The following BAG2 variants were observed in gnomAD, a reference collection of about 807,000 sequenced individuals.
BAG2 encodes BAG cochaperone 2.
A neutral mutation model predicts 16.4 loss-of-function variants in BAG2; 8 were observed. The observed-to-expected ratio is 0.49, with a 90% CI of 0.29 to 0.88. The LOEUF is 0.88. Ranked by LOEUF, BAG2 falls within the 40% of genes least tolerant of loss-of-function variation. BAG2 has a pLI of 0.09. For synonymous variants in BAG2, 82 were observed against 89.2 expected (o/e 0.92, Z 0.46); for missense variants, 218 against 248.9 (o/e 0.88, Z 0.84).
chr6:57,184,375 TTATC>T lies in BAG2; in HGVS notation c.*192_*195del, dbSNP rs1224991011. ...AATAACAAAACTAGCAATATTTTAA[TTATC>T]TATCTAGAGATTTTTTAGATTGAAT... On this transcript the variant is annotated 3_prime_UTR_variant, in exon 3 of 3. Transcript: ENST00000370693. 6.2e-6 allele frequency: 3 copies of T among 487,314 alleles called. No individual in the cohort carries two copies. Among genetic ancestry groups the T allele is most frequent in the South Asian group, 6.1e-5 (1 of 16,366 alleles). The allele number at this position is 487,314 out of a possible 1,614,324, so 30.2% of individuals were successfully genotyped here. A position where few individuals can be genotyped will look rare whatever the true frequency, so the allele number is the denominator to read the frequency against.
chr6:57,173,735 A>G (rs1208648364), intron 1 of BAG2: 1 of 168,118 alleles, frequency 5.9e-6, no homozygotes, highest in East Asian at 1.9e-4. Context: ...CTTGTTAGGC[A>G]CCTGCAATTC....
intron 1 of BAG2, among the ~76,000 whole-genome samples, chr6:57,178,459 G>A (rs1323797955): frequency 6.6e-6 from 1 of 152,148 alleles, no homozygotes; most frequent in Non-Finnish European, 1.5e-5. Flanking sequence ...GCCAAAAGGA[G>A]CATGAATTGC....
intron 1 of BAG2, among the ~76,000 whole-genome samples, chr6:57,176,000 C>G (rs551963369): frequency 6.6e-6 from 1 of 152,108 alleles, no homozygotes; most frequent in African/African-American, 2.4e-5. Flanking sequence ...GATCTGATAC[C>G]GTCTCCAGGT....
At position 57,183,889 on chromosome 6, in the gene BAG2, A is replaced by G. The variant is rs980287241; in HGVS notation, c.335A>G (p.His112Arg). Residue 112 changes from histidine (H) to arginine (R), a missense_variant, in exon 3 of 3, where the codon CAT (histidine) becomes CGT (arginine). By Grantham distance (29) the His-to-Arg change is conservative. Transcript: ENST00000370693. ...RNPQQQESLK[H>R]ATRIIDEVVN... ...CCCCAGCAGCAAGAATCCCTAAAGCATGCCACAAGGATTATTGATGAGGTG... is the reference window on the plus strand; with the variant it reads ...CCCCAGCAGCAAGAATCCCTAAAGCGTGCCACAAGGATTATTGATGAGGTG... 8.7e-6 allele frequency: 14 copies of G among 1,614,058 alleles called. No homozygotes were observed. The highest frequency in any genetic ancestry group is 7.7e-5 in the South Asian group (7 of 91,070).
In BAG2 at chr6:57,188,579, A is replaced by AGAG. The variant is rs1388258728; in HGVS notation, c.*4390_*4392dup. On this transcript the variant is annotated 3_prime_UTR_variant, in exon 3 of 3. Transcript: ENST00000370693. ...TTATTTTGTGCAAAAATTAAAGAGGAGAGTAGAGAGTAGAAAATTGAAGAG... is the reference window on the plus strand; with the variant it reads ...TTATTTTGTGCAAAAATTAAAGAGGAGAGGAGTAGAGAGTAGAAAATTGAAGAG... The AGAG allele has an allele frequency of 1.3e-5, 2 of 152,152 alleles. No individual in the cohort carries two copies. The highest frequency in any genetic ancestry group is 3.8e-4 in the East Asian group (2 of 5,198). 9.4% of individuals were successfully genotyped at this position (152,152 alleles called of 1,614,324 possible). A position where few individuals can be genotyped will look rare whatever the true frequency, so the allele number is the denominator to read the frequency against.
At position 57,172,597 on chromosome 6, in the gene BAG2, C is replaced by A; in HGVS notation, c.-101C>A. 1 of 1,007,310 alleles carries A rather than the reference C, an allele frequency of 9.9e-7. No individual in the cohort carries two copies. Among genetic ancestry groups the A allele is most frequent in the Non-Finnish European group, 1.3e-6 (1 of 741,782 alleles). The allele number at this position is 1,007,310 out of a possible 1,614,324, so 62.4% of individuals were successfully genotyped here. ...CCGCGGGCGTCAGAGGGAGGGCGGG[C>A]GCCCGCGTGGTGACGGCGACGCCTG... On this transcript the variant is annotated 5_prime_UTR_variant, in exon 1 of 3. Coordinates refer to ENST00000370693, the MANE Select transcript of BAG2 (RefSeq NM_004282.4).
intron 1 of BAG2, among the ~76,000 whole-genome samples, chr6:57,175,023 A>C (rs139745208): frequency 6.4e-4 from 98 of 152,338 alleles, no homozygotes; most frequent in African/African-American, 2.1e-3. Flanking sequence ...AGTTTTACAA[A>C]CTGTTAAAGG....
At chr6:57,178,736 A>C (rs1764356407) in intron 1 of BAG2, among the ~76,000 whole-genome samples, 1 of 151,726 alleles carries the variant, frequency 6.6e-6, no homozygotes, top group African/African-American at 2.4e-5. Context: ...TTTCACAGGG[A>C]TAATGCCCTG....
intron 1 of BAG2, chr6:57,174,157 G>T (rs1367395603): frequency 9.6e-7 from 1 of 1,043,058 alleles, no homozygotes; most frequent in Non-Finnish European, 1.2e-6. Flanking sequence ...GAAATTGGTG[G>T]CCTCAGTTAC....
At chr6:57,173,107 A>G (rs1179142631) in intron 1 of BAG2, 1 of 1,041,250 alleles carries the variant, frequency 9.6e-7, no homozygotes, top group Non-Finnish European at 1.2e-6. Flanking sequence ...GAAAAAAATC[A>G]GAGGAGATAA....
rs745899556 is a variant in BAG2, at chr6:57,184,036, G to A, written c.482G>A (p.Gly161Asp). 8.1e-6 allele frequency: 13 copies of A among 1,612,898 alleles called. No individual in the cohort carries two copies. The South Asian group carries it at 1.3e-4, about 16-fold the overall frequency. The change falls in exon 3 of 3, where the codon GGC becomes GAC. Residue 161 changes from glycine (G) to aspartate (D), a missense_variant. Physicochemically the swap from Gly to Asp is moderately conservative, Grantham distance 94. Coordinates refer to ENST00000370693, the MANE Select transcript of BAG2 (RefSeq NM_004282.4). ...VDQKFQSIVI[G>D]CALEDQKKIK... ...CAGAAGTTTCAATCCATAGTAATTG[G>A]CTGTGCTCTTGAAGATCAGAAGAAA...
Position 57,187,966 on chromosome 6 carries a change from AT to A in BAG2, c.*3779del, listed in dbSNP as rs1257691150. On this transcript the variant is annotated 3_prime_UTR_variant, in exon 3 of 3. Transcript: ENST00000370693. ...CCTTATATGGGTCATTCTATATACT[AT>A]TTAATTCATAGACAGAGACTGGAAA... The A allele has an allele frequency of 4.0e-5, 6 of 150,102 alleles. No homozygotes were observed. The highest frequency in any genetic ancestry group is 1.5e-4 in the African/African-American group (6 of 40,362). 9.3% of individuals were successfully genotyped at this position (150,102 alleles called of 1,614,324 possible).
At position 57,180,624 on chromosome 6, in the gene BAG2, A is replaced by G. The variant is rs111254773; in HGVS notation, c.114-1408A>G. Among the ~76,000 whole-genome samples, 571 of 152,312 alleles carry G rather than the reference A, an allele frequency of 3.7e-3. 2 individuals carry two copies. Among genetic ancestry groups the G allele is most frequent in the African/African-American group, 0.011 (476 of 41,574 alleles). ...AAACAAAACATTCTTACCTAACTGC[A>G]TGCAGGGGTTGATGCTAGGTGGATT... On this transcript the variant is annotated intron_variant, in intron 1 of 2. Coordinates refer to ENST00000370693, the MANE Select transcript of BAG2 (RefSeq NM_004282.4).
In BAG2 at chr6:57,189,054, G is replaced by GTTA. The variant is rs1048945100; in HGVS notation, c.*4867_*4869dup. 2.0e-5 allele frequency: 3 copies of GTTA among 152,106 alleles called. No homozygotes were observed. Among genetic ancestry groups the GTTA allele is most frequent in the African/African-American group, 7.2e-5 (3 of 41,414 alleles). 9.4% of individuals were successfully genotyped at this position (152,106 alleles called of 1,614,324 possible). A position where few individuals can be genotyped will look rare whatever the true frequency, so the allele number is the denominator to read the frequency against. On this transcript the variant is annotated 3_prime_UTR_variant, in exon 3 of 3. Coordinates refer to ENST00000370693, the MANE Select transcript of BAG2 (RefSeq NM_004282.4). ...GTAAAAACCAGGTATATTGAAAGGG[G>GTTA]TTATTTATAGGTTAAAAATAAAGCC... is the stretch of plus-strand genomic sequence containing the variant.
rs1764717633 is a variant in BAG2 at position 57,188,826 on chromosome 6, G to A, written c.*4636G>A. 6.6e-6 allele frequency: 1 copy of A among 152,158 alleles called. No homozygotes were observed. Among genetic ancestry groups the A allele is most frequent in the African/African-American group, 2.4e-5 (1 of 41,538 alleles). The allele number at this position is 152,158 out of a possible 1,614,324, so 9.4% of individuals were successfully genotyped here. ...TTATTTTTCCATCTAAAATGGCAAA[G>A]AGAACATTTACTTTTGATCACTTAA... On this transcript the variant is annotated 3_prime_UTR_variant, in exon 3 of 3. Transcript: ENST00000370693.
At chr6:57,179,425 C>G (rs1414227783) in intron 1 of BAG2, among the ~76,000 whole-genome samples, 1 of 152,074 alleles carries the variant, frequency 6.6e-6, no homozygotes, top group Non-Finnish European at 1.5e-5. Context: ...CCTGTCAGTA[C>G]TATTTTGGGG....
chr6:57,172,904 G>T lies in BAG2; in HGVS notation c.113+94G>T, dbSNP rs532115029. The T allele has an allele frequency of 1.9e-3, 2,120 of 1,125,738 alleles. 10 individuals are homozygous for T. The highest frequency in any genetic ancestry group is 1.4e-3 in the Non-Finnish European group (1,185 of 836,118). The allele number at this position is 1,125,738 out of a possible 1,614,324, so 69.7% of individuals were successfully genotyped here. The stretch of plus-strand genomic sequence containing the variant: ...CGGAGGCCGCGTGTGGCGGGCCGGG[G>T]CCTGGGGCACAGTGAGGCTGCGGCA... On this transcript the variant is annotated intron_variant, in intron 1 of 2. Transcript: ENST00000370693.
chr6:57,189,634 ACTC>A lies in BAG2; in HGVS notation c.*5448_*5450del, dbSNP rs1473477363. The A allele has an allele frequency of 1.8e-4, 28 of 152,450 alleles. No individual in the cohort carries two copies. The highest frequency in any genetic ancestry group is 6.5e-4 in the African/African-American group (27 of 41,438). The allele number at this position is 152,450 out of a possible 1,614,324, so 9.4% of individuals were successfully genotyped here. ...GATGCTCTAGCATTCAAATTCCTAT[ACTC>A]CTCTTTTATCTACGCTGTCAGATGA... On this transcript the variant is annotated 3_prime_UTR_variant, in exon 3 of 3. Transcript: ENST00000370693.
At chr6:57,181,795 T>TA (rs1764457389) in intron 1 of BAG2, among the ~76,000 whole-genome samples, 1 of 152,104 alleles carries the variant, frequency 6.6e-6, no homozygotes, top group Non-Finnish European at 1.5e-5. Context: ...ACAGATCTTG[T>TA]AAAAAACAAA....
Sources: gnomAD v4.1 joint callset for allele counts (sites outside exome capture counted in the v4.1 genomes callset) on GRCh38, gnomAD v4.1.1 for gene constraint, MANE v1.5 for transcripts, NCBI Gene and HGNC (gene_info 2026-07-23, HGNC 2026-07-21) for gene names.